The following CD302 variants were observed in gnomAD, a reference collection of about 807,000 sequenced individuals.
CD302 encodes the protein CD302 antigen.
In CD302, 23 loss-of-function variants were observed where a neutral mutation model predicts 26.5. That is an observed-to-expected ratio of 0.87 (90% CI 0.62 to 1.23). CD302 has a LOEUF of 1.23. CD302 is among the 50% of genes most tolerant of loss of function. The pLI is 0.00. For missense variants in CD302, 290 were observed against 275.5 expected (o/e 1.05, Z -0.37); for synonymous variants, 90 against 99.4 (o/e 0.91, Z 0.56).
intron 5 of CD302, among the ~76,000 whole-genome samples, chr2:159,776,188 C>A (rs1004096986): frequency 3.3e-5 from 5 of 151,770 alleles, no homozygotes; most frequent in Non-Finnish European, 5.9e-5. Context: ...TAATGTCCTT[C>A]AGGTTTATGC....
chr2:159,777,068 G>C (rs753572245), intron 5 of CD302, among the ~76,000 whole-genome samples: 1 of 151,418 alleles, frequency 6.6e-6, no homozygotes, highest in Non-Finnish European at 1.5e-5. Flanking sequence ...ACTAGCCTGG[G>C]TAACATGGTG....
intron 1 of CD302, among the ~76,000 whole-genome samples, chr2:159,796,017 T>G (rs911717509): frequency 6.6e-6 from 1 of 152,260 alleles, no homozygotes; most frequent in Non-Finnish European, 1.5e-5. Context: ...CTCAGGAATT[T>G]AAAGAATGTT....
At chr2:159,795,110 C>A (rs191606125) in intron 1 of CD302, among the ~76,000 whole-genome samples, 27 of 151,662 alleles carry the variant, frequency 1.8e-4, no homozygotes, top group African/African-American at 6.5e-4. Context: ...GTAATCCCAG[C>A]TACTCGGGAG....
In CD302 at chr2:159,780,762, A is replaced by AT. The variant is rs1392934279; in HGVS notation, c.295+119dup. On this transcript the variant is annotated intron_variant, in intron 3 of 5. Coordinates refer to ENST00000259053, the MANE Select transcript of CD302 (RefSeq NM_014880.5). ...GTATGATCATAGGTGCACACTGAAA[A>AT]TTTAACACCTGGAGGCCACAGGAAT... 2.5e-5 allele frequency: 23 copies of AT among 910,268 alleles called. 1 individual carries two copies. The Admixed American group carries it at 4.1e-4, about 16-fold the overall frequency. 56.4% of individuals were successfully genotyped at this position (910,268 alleles called of 1,614,324 possible). A position where few individuals can be genotyped will look rare whatever the true frequency, so the allele number is the denominator to read the frequency against.
At chr2:159,794,610 G>A (rs1026133323) in intron 1 of CD302, among the ~76,000 whole-genome samples, 5 of 151,442 alleles carry the variant, frequency 3.3e-5, no homozygotes, top group South Asian at 2.1e-4. Flanking sequence ...GTGCAGTGGC[G>A]CGATCTCAGC....
chr2:159,778,062 TTAG>T, intron 4 of CD302, 98 bp from the exon 5 acceptor site: 1 of 432,926 alleles, frequency 2.3e-6, no homozygotes, highest in Non-Finnish European at 3.7e-6. Context: ...AACCCTTTTA[TTAG>T]TAGCTTAATA....
intron 3 of CD302, 113 bp from the exon 4 acceptor site, chr2:159,780,291 T>C: frequency 8.9e-7 from 1 of 1,121,770 alleles, no homozygotes; most frequent in South Asian, 1.7e-5. Context: ...TCTAAACTTC[T>C]GATTGTAGGA....
At chr2:159,772,904 T>A (rs1708198977) in intron 5 of CD302, among the ~76,000 whole-genome samples, 1 of 152,126 alleles carries the variant, frequency 6.6e-6, no homozygotes, top group Admixed American at 6.6e-5. Flanking sequence ...TTGACAGGAT[T>A]TTTTGGGAGG....
At position 159,771,919 on chromosome 2, in the gene CD302, AT is replaced by A. The variant is rs1470633613; in HGVS notation, c.630del (p.Gln210HisfsTer11). The part of the protein sequence containing the change: ...RFTTVFSTAP[Q>X]SPYNEDCVLV... ...AAAACACAGTCTTCATTATAAGGTG[AT>A]TGGGGTGCGGTTGAAAAAACTGTGG... On this transcript the variant is annotated frameshift_variant, in exon 6 of 6. Coordinates refer to ENST00000259053, the MANE Select transcript of CD302 (RefSeq NM_014880.5). LOFTEE classifies it high-confidence loss of function. 2 of 1,613,896 alleles carry A rather than the reference AT, an allele frequency of 1.2e-6. No homozygotes were observed. The highest frequency in any genetic ancestry group is 2.7e-5 in the African/African-American group (2 of 74,914).
chr2:159,791,565 C>T (rs115267150), intron 1 of CD302, among the ~76,000 whole-genome samples: 2,217 of 152,262 alleles, frequency 0.015, 39 homozygotes, highest in African/African-American at 0.05. Context: ...TGATTGTTAA[C>T]GCCACGACAG....
intron 1 of CD302, among the ~76,000 whole-genome samples, chr2:159,791,060 T>G (rs943736437): frequency 1.6e-4 from 25 of 152,336 alleles, no homozygotes; most frequent in African/African-American, 5.8e-4. Flanking sequence ...AGGTATATTC[T>G]TATTTCAGTG....
chr2:159,786,076 T>C (rs1191690660), intron 1 of CD302, among the ~76,000 whole-genome samples: 1 of 152,148 alleles, frequency 6.6e-6, no homozygotes, highest in East Asian at 1.9e-4. Context: ...TATGTAGTTT[T>C]TACAGACATC....
In CD302 at chr2:159,798,172, G is replaced by A; in HGVS notation, c.27C>T (p.Leu9=). 6.8e-7 allele frequency: 1 copy of A among 1,481,260 alleles called. No individual in the cohort carries two copies. The highest frequency in any genetic ancestry group is 1.3e-5 in the South Asian group (1 of 78,612). The allele number at this position is 1,481,260 out of a possible 1,614,324, so 91.8% of individuals were successfully genotyped here. A position where few individuals can be genotyped will look rare whatever the true frequency, so the allele number is the denominator to read the frequency against. MLRAALPA[L]LLPLLGLAAA... is the part of the protein sequence containing the mutation. Reference sequence around the variant, plus strand: ...CGGCGAGGCCCAGCAACGGCAGCAGGAGCGCGGGCAGCGCGGCCCGGAGCA... The same window carrying A: ...CGGCGAGGCCCAGCAACGGCAGCAGAAGCGCGGGCAGCGCGGCCCGGAGCA... Residue 9 remains leucine (L), a synonymous_variant, in exon 1 of 6, where the codon CTC becomes CTT. Transcript: ENST00000259053.
Position 159,780,990 on chromosome 2 carries a change from T to A in CD302, c.187A>T (p.Met63Leu), listed in dbSNP as rs375356281. 6.2e-6 allele frequency: 10 copies of A among 1,603,532 alleles called. No homozygotes were observed. The highest frequency in any genetic ancestry group is 7.6e-6 in the Non-Finnish European group (9 of 1,177,710). ...TCTTCTTCATTATGTATGCTTATCA[T>A]GTCCGCTCCTGAAATTATTTTAAAG... ...RNQCTDHGAD[M>L]ISIHNEEENA... The change falls in exon 3 of 6, where the codon ATG (methionine) becomes TTG (leucine). Residue 63 changes from methionine (M) to leucine (L), a missense_variant. Met to Leu is a conservative substitution (Grantham distance 15). Coordinates refer to ENST00000259053, the MANE Select transcript of CD302 (RefSeq NM_014880.5).
Position 159,771,921 on chromosome 2 carries a change from T to A in CD302, c.629A>T (p.Gln210Leu). ...RFTTVFSTAP[Q>L]SPYNEDCVLV... ...AACACAGTCTTCATTATAAGGTGAT[T>A]GGGGTGCGGTTGAAAAAACTGTGGT... is the stretch of plus-strand genomic sequence containing the variant. Residue 210 changes from glutamine to leucine, a missense_variant, in exon 6 of 6, where the codon CAA (glutamine) becomes CTA (leucine). By Grantham distance (113) the Gln-to-Leu change is moderately radical. Coordinates refer to ENST00000259053, the MANE Select transcript of CD302 (RefSeq NM_014880.5). 1.1e-5 allele frequency: 17 copies of A among 1,614,016 alleles called. No individual in the cohort carries two copies. Among genetic ancestry groups the A allele is most frequent in the Non-Finnish European group, 1.4e-5 (17 of 1,179,928 alleles).
intron 1 of CD302, among the ~76,000 whole-genome samples, chr2:159,794,549 T>C (rs763117804): frequency 9.9e-5 from 11 of 111,458 alleles, no homozygotes; most frequent in Non-Finnish European, 1.9e-4. Context: ...TTTATTTATT[T>C]ATTCATTTAT....
In CD302 at chr2:159,787,442, G is replaced by T. The variant is rs1708697209; in HGVS notation, c.68-3973C>A. ...TTTTTGTATTAAACATTTTATATTT[G>T]ATCCTTTTTCTTTTAGCTTGTTAAT... On this transcript the variant is annotated intron_variant, in intron 1 of 5. Transcript: ENST00000259053. Among the ~76,000 whole-genome samples, 4 of 151,328 alleles carry T rather than the reference G, an allele frequency of 2.6e-5. No homozygotes were observed. In the South Asian group the frequency reaches 8.4e-4, roughly 32 times the overall value.
At chr2:159,772,083 G>T in intron 5 of CD302, 30 bp from the exon 6 acceptor site, 5 of 1,606,446 alleles carry the variant, frequency 3.1e-6, no homozygotes, top group Non-Finnish European at 4.3e-6. Context: ...AGAGTATTTG[G>T]GAAATTAGGG....
At chr2:159,773,708 C>G (rs1708224738) in intron 5 of CD302, among the ~76,000 whole-genome samples, 1 of 152,104 alleles carries the variant, frequency 6.6e-6, no homozygotes, top group Admixed American at 6.6e-5. Flanking sequence ...GTCAAGGCAA[C>G]TGATAAGCAG....
Sources: allele counts gnomAD v4.1 joint callset (sites outside exome capture counted in the v4.1 genomes callset), GRCh38; gene constraint gnomAD v4.1.1; transcripts MANE v1.5; gene names NCBI Gene and HGNC (gene_info 2026-07-23, HGNC 2026-07-21).